The following PAPOLG variants were observed in gnomAD, a reference collection of about 807,000 sequenced individuals.
PAPOLG encodes the protein poly(A) polymerase gamma, also known as PAP-gamma.
A neutral mutation model predicts 99.0 loss-of-function variants in PAPOLG; 40 were observed. That is an observed-to-expected ratio of 0.40 (90% confidence interval 0.31 to 0.53). PAPOLG has a LOEUF of 0.53. PAPOLG is among the 20% of genes least tolerant of loss of function. The pLI is 0.41. For synonymous variants in PAPOLG, 310 were observed against 299.3 expected, an observed-to-expected ratio of 1.04 and a Z score of -0.37; for missense variants, 675 against 884.1, an observed-to-expected ratio of 0.76 and a Z score of 3.00.
intron 2 of PAPOLG, among the ~76,000 whole-genome samples, chr2:60,760,902 G>GA (rs1402841974): frequency 5.3e-5 from 8 of 152,200 alleles, no homozygotes; most frequent in Admixed American, 5.2e-4. Context: ...GCTGTATTGA[G>GA]AGTAATCTTA....
chr2:60,774,779 T>C (rs1670967798), intron 7 of PAPOLG, among the ~76,000 whole-genome samples: 1 of 152,208 alleles, frequency 6.6e-6, no homozygotes, highest in South Asian at 2.1e-4. Flanking sequence ...TGGGAGGTAT[T>C]TGATTAATAG....
intron 19 of PAPOLG, 189 bp from the exon 20 acceptor site, chr2:60,794,521 A>G (rs1030107263): frequency 3.3e-6 from 2 of 609,998 alleles, no homozygotes; most frequent in African/African-American, 3.7e-5. Context: ...AACCAAAAAG[A>G]TCACCCAAAC....
chr2:60,774,947 G>T, intron 7 of PAPOLG, 87 bp from the exon 8 acceptor site: 4 of 1,556,908 alleles, frequency 2.6e-6, no homozygotes, highest in Non-Finnish European at 1.7e-6. Flanking sequence ...CATATTTTTA[G>T]CATTCGAGAG....
In PAPOLG at chr2:60,782,678, T is replaced by TTTTTTTTTTA. The variant is rs67779326; in HGVS notation, c.1028-8_1028-7insTTTTTTTTTA. The TTTTTTTTTTA allele has an allele frequency of 2.2e-6, 3 of 1,386,304 alleles. No individual in the cohort carries two copies. Among genetic ancestry groups the TTTTTTTTTTA allele is most frequent in the Admixed American group, 3.0e-5 (1 of 32,950 alleles). The allele number at this position is 1,386,304 out of a possible 1,614,324, so 85.9% of individuals were successfully genotyped here. A position where few individuals can be genotyped will look rare whatever the true frequency, so the allele number is the denominator to read the frequency against. ...CTTTTTTTTTTTTTTTTTTTTTTTT[T>TTTTTTTTTTA]AATTTAGGTCTTGCAGTCACAGATG... On this transcript the variant is annotated splice_polypyrimidine_tract_variant and splice_region_variant and intron_variant, in intron 11 of 21. Transcript: ENST00000238714.
rs985361551 is a variant in PAPOLG at position 60,801,816 on chromosome 2, G to A, written c.*4656G>A. 9 of 152,300 alleles carry A rather than the reference G, an allele frequency of 5.9e-5. No individual in the cohort carries two copies. Among genetic ancestry groups the A allele is most frequent in the Non-Finnish European group, 1.3e-4 (9 of 68,030 alleles). The allele number at this position is 152,300 out of a possible 1,614,324, so 9.4% of individuals were successfully genotyped here. A position where few individuals can be genotyped will look rare whatever the true frequency, so the allele number is the denominator to read the frequency against. ...TGAACATAAGATGATCATCAAGCTT[G>A]CTATAAGTTTTAAGCTATTGCTACA... On this transcript the variant is annotated 3_prime_UTR_variant, in exon 22 of 22. Transcript: ENST00000238714.
chr2:60,758,343 T>G (rs1670415062), intron 1 of PAPOLG, among the ~76,000 whole-genome samples: 1 of 149,776 alleles, frequency 6.7e-6, no homozygotes, highest in Non-Finnish European at 1.5e-5. Flanking sequence ...TTTTTTTTTT[T>G]TTTTTTTTGA....
chr2:60,764,211 C>T (rs987919143), intron 3 of PAPOLG, among the ~76,000 whole-genome samples: 1 of 152,186 alleles, frequency 6.6e-6, no homozygotes, highest in African/African-American at 2.4e-5. Context: ...CCATTTGCCT[C>T]ATCACTAGGT....
At position 60,794,082 on chromosome 2, in the gene PAPOLG, G is replaced by A. The variant is rs1299162060; in HGVS notation, c.1880G>A (p.Gly627Glu). 3 of 1,613,956 alleles carry A rather than the reference G, an allele frequency of 1.9e-6. No homozygotes were observed. In the Admixed American group the frequency reaches 5.0e-5, roughly 27 times the overall value. Residue 627 changes from glycine to glutamate, a missense_variant, in exon 19 of 22, where the codon GGA becomes GAA. By Grantham distance (98) the Gly-to-Glu change is moderately conservative (BLOSUM62 -2). Around this residue, in one of 3 missense-constraint regions of PAPOLG, gnomAD observed 413 missense variants for 460.5 expected, o/e 0.90. Coordinates refer to ENST00000238714, the MANE Select transcript of PAPOLG (RefSeq NM_022894.4). ...ACAACACCTCACAACCCTGCCCAGGGACAACCGCATCTGAATGGAATGTCA... is the reference window on the plus strand; with the variant it reads ...ACAACACCTCACAACCCTGCCCAGGAACAACCGCATCTGAATGGAATGTCA... Reference protein sequence around the residue: ...RITTPHNPAQGQPHLNGMSNI... With the variant: ...RITTPHNPAQEQPHLNGMSNI...
Position 60,791,762 on chromosome 2 carries a change from G to A in PAPOLG, c.1398G>A (p.Val466=). The A allele has an allele frequency of 5.6e-6, 9 of 1,609,760 alleles. No individual in the cohort carries two copies. Among genetic ancestry groups the A allele is most frequent in the Non-Finnish European group, 6.8e-6 (8 of 1,178,972 alleles). ...TTTAACATATTAACATTGTTACAGTGTACAGACAGGCAAACAATATAAATA... is the reference window on the plus strand; with the variant it reads ...TTTAACATATTAACATTGTTACAGTATACAGACAGGCAAACAATATAAATA... ...TYDIQSFTDT[V]YRQANNINML... Residue 466 remains valine (V), a splice_region_variant and synonymous_variant, in exon 16 of 22, where the codon GTG becomes GTA. Transcript: ENST00000238714.
chr2:60,791,894 A>T lies in PAPOLG; in HGVS notation c.1518+12A>T. 6.2e-7 allele frequency: 1 copy of T among 1,610,110 alleles called. No homozygotes were observed. On this transcript the variant is annotated intron_variant, in intron 16 of 21. Transcript: ENST00000238714. Reference sequence around the variant, plus strand: ...AAAAGAAGAAAAAGGTGAGTTTATAATCTTAACCCTTCAGTATGGTTTTAC... The same window carrying T: ...AAAAGAAGAAAAAGGTGAGTTTATATTCTTAACCCTTCAGTATGGTTTTAC...
intron 14 of PAPOLG, 31 bp downstream of exon 14, chr2:60,787,097 C>A: frequency 1.3e-6 from 2 of 1,501,406 alleles, no homozygotes; most frequent in Non-Finnish European, 1.8e-6. Flanking sequence ...TACTTTATTT[C>A]TTAAATAATG....
Position 60,797,358 on chromosome 2 carries a change from A to C in PAPOLG, c.*198A>C. 1 of 617,466 alleles carries C rather than the reference A, an allele frequency of 1.6e-6. No homozygotes were observed. The highest frequency in any genetic ancestry group is 2.8e-6 in the Non-Finnish European group (1 of 357,584). 38.2% of individuals were successfully genotyped at this position (617,466 alleles called of 1,614,324 possible). A position where few individuals can be genotyped will look rare whatever the true frequency, so the allele number is the denominator to read the frequency against. On this transcript the variant is annotated 3_prime_UTR_variant, in exon 22 of 22. Transcript: ENST00000238714. ...GTAGCATTCTCTCACTGATTGCTAC[A>C]TACACTTCTCTGAGGATCACCTGCT...
At chr2:60,769,999 T>C (rs1670801840) in intron 5 of PAPOLG, among the ~76,000 whole-genome samples, 1 of 151,758 alleles carries the variant, frequency 6.6e-6, no homozygotes, top group Non-Finnish European at 1.5e-5. Flanking sequence ...AACTCTTACT[T>C]ATGAGTGAGA....
intron 15 of PAPOLG, among the ~76,000 whole-genome samples, 160 bp downstream of exon 15, chr2:60,787,780 G>A (rs920759969): frequency 3.3e-5 from 5 of 152,198 alleles, no homozygotes; most frequent in African/African-American, 7.2e-5. Flanking sequence ...AGCCGGGTGC[G>A]GTGGCTAATG....
intron 1 of PAPOLG, among the ~76,000 whole-genome samples, chr2:60,756,743 A>G (rs1037563918): frequency 1.5e-4 from 23 of 152,136 alleles, no homozygotes; most frequent in Admixed American, 9.8e-4. Flanking sequence ...ACGCCCTCAG[A>G]AAAGGATGAG....
chr2:60,763,793 C>A (rs1164885529), intron 3 of PAPOLG, among the ~76,000 whole-genome samples: 1 of 151,438 alleles, frequency 6.6e-6, no homozygotes, highest in Non-Finnish European at 1.5e-5. Flanking sequence ...TGTGAGCCAT[C>A]ACACCTGGCC....
chr2:60,782,346 G>C (rs1671214181), intron 11 of PAPOLG, among the ~76,000 whole-genome samples: 1 of 152,040 alleles, frequency 6.6e-6, no homozygotes, highest in Non-Finnish European at 1.5e-5. Flanking sequence ...GCGAGCAGAT[G>C]ACCTGAGGTC....
At chr2:60,785,751 C>T (rs1486342618) in intron 13 of PAPOLG, among the ~76,000 whole-genome samples, 2 of 149,506 alleles carry the variant, frequency 1.3e-5, no homozygotes, top group African/African-American at 5.0e-5. Context: ...CAGGTGATCT[C>T]GAACTCCTGG....
intron 7 of PAPOLG, among the ~76,000 whole-genome samples, chr2:60,773,701 G>GAAA (rs35118727): frequency 7.6e-4 from 111 of 145,802 alleles, no homozygotes; most frequent in African/African-American, 1.4e-3. Context: ...TATAAAATGT[G>GAAA]AAAAAAAAAA....
Sources: gnomAD v4.1 joint callset for allele counts (sites outside exome capture counted in the v4.1 genomes callset) on GRCh38, gnomAD v4.1.1 for gene constraint, gnomAD v4.1.1 regional missense constraint, MANE v1.5 for transcripts, NCBI Gene and HGNC (gene_info 2026-07-23, HGNC 2026-07-21) for gene names.